The following RASGRF2 variants were observed in gnomAD, a reference collection of about 807,000 sequenced individuals.
RASGRF2 encodes ras-specific guanine nucleotide-releasing factor 2.
In RASGRF2, 76 loss-of-function variants were observed where a neutral mutation model predicts 151.0. That is an observed-to-expected ratio of 0.50 (90% CI 0.42 to 0.61). The LOEUF (loss-of-function observed/expected upper bound fraction) is 0.61. RASGRF2 is among the 20% of genes least tolerant of loss of function. The probability of loss-of-function intolerance (pLI) is 0.00; values close to 1 mark genes in which losing one functional copy is unlikely to be tolerated. For missense variants in RASGRF2, 1,148 were observed against 1,564.6 expected (o/e 0.73, Z 4.49); for synonymous variants, 504 against 566.5 (o/e 0.89, Z 1.57).
intron 1 of RASGRF2, among the ~76,000 whole-genome samples, chr5:80,968,996 A>T (rs768705895): frequency 6.6e-6 from 1 of 151,912 alleles, no homozygotes; most frequent in Non-Finnish European, 1.5e-5. Flanking sequence ...AATGAATTGC[A>T]TAACCATGAT....
intron 1 of RASGRF2, among the ~76,000 whole-genome samples, chr5:81,011,729 G>A (rs1040006120): frequency 3.5e-5 from 5 of 143,644 alleles, no homozygotes; most frequent in African/African-American, 7.8e-5. Context: ...CAACAAGAGC[G>A]AAACTCCATC....
At chr5:81,026,882 G>A (rs188078866) in intron 1 of RASGRF2, among the ~76,000 whole-genome samples, 20 of 152,254 alleles carry the variant, frequency 1.3e-4, no homozygotes, top group Non-Finnish European at 2.4e-4. Flanking sequence ...TAAAAGACAG[G>A]TCAAAGTCAA....
chr5:81,064,075 C>T lies in RASGRF2; in HGVS notation c.396-3957C>T, dbSNP rs1751522503. The stretch of plus-strand genomic sequence containing the variant: ...GGCATAGCTTAGCTGGGTGCCTCTG[C>T]CCAAAGGTATCTCACAAGGCTACAA... On this transcript the variant is annotated intron_variant, in intron 2 of 26. Transcript: ENST00000265080. 3.9e-5 allele frequency among the ~76,000 whole-genome samples: 6 copies of T among 152,268 alleles called. No homozygotes were observed. The South Asian group carries it at 1.0e-3, about 26-fold the overall frequency.
At chr5:80,968,014 T>G (rs1193142340) in intron 1 of RASGRF2, among the ~76,000 whole-genome samples, 2 of 152,240 alleles carry the variant, frequency 1.3e-5, no homozygotes, top group Non-Finnish European at 2.9e-5. Context: ...CTTGAGCAAT[T>G]TCTCTTTCTA....
intron 1 of RASGRF2, among the ~76,000 whole-genome samples, chr5:81,027,251 A>G (rs187887919): frequency 1.2e-4 from 19 of 152,342 alleles, no homozygotes; most frequent in Admixed American, 4.6e-4. Flanking sequence ...GTTAATAATT[A>G]TGCATCAATA....
intron 3 of RASGRF2, among the ~76,000 whole-genome samples, chr5:81,069,837 A>G (rs1751719698): frequency 6.6e-6 from 1 of 152,222 alleles, no homozygotes; most frequent in Non-Finnish European, 1.5e-5. Flanking sequence ...GTGCCGGTCT[A>G]GAGAATTTTA....
In RASGRF2 at chr5:80,996,518, TCCC is replaced by T. The variant is rs1402104039; in HGVS notation, c.288+35495_288+35497del. On this transcript the variant is annotated intron_variant, in intron 1 of 26. Coordinates refer to ENST00000265080, the MANE Select transcript of RASGRF2 (RefSeq NM_006909.3). ...TTCTTCTTCTTCCTCCTCCTCCTCC[TCCC>T]CCTCCTCCTCCTCCCCCTCCTCCTC... Among the ~76,000 whole-genome samples, 65 of 28,040 alleles carry T rather than the reference TCCC, an allele frequency of 2.3e-3. 4 individuals carry two copies. The highest frequency in any genetic ancestry group is 2.9e-3 in the African/African-American group (21 of 7,350). 18.4% of individuals were successfully genotyped at this position (28,040 alleles called of 152,430 possible).
chr5:81,084,010 T>C (rs1185838192), intron 7 of RASGRF2, among the ~76,000 whole-genome samples: 3 of 152,216 alleles, frequency 2.0e-5, no homozygotes, highest in Non-Finnish European at 4.4e-5. Flanking sequence ...GCTGACCACT[T>C]CTCTGCAGAA....
Position 81,197,896 on chromosome 5 carries a change from G to A in RASGRF2, c.2794-3434G>A, listed in dbSNP as rs571284792. Among the ~76,000 whole-genome samples the A allele has an allele frequency of 1.4e-4, 21 of 152,200 alleles. 1 individual carries two copies. The East Asian group carries it at 3.1e-3, about 22-fold the overall frequency. ...AACAATTCCTCTCTGCTGCCTGCAC[G>A]TGTTTTATAAGGATACATTTAATTA... On this transcript the variant is annotated intron_variant, in intron 18 of 26. Coordinates refer to ENST00000265080, the MANE Select transcript of RASGRF2 (RefSeq NM_006909.3).
chr5:81,021,939 T>C (rs1749842136), intron 1 of RASGRF2, among the ~76,000 whole-genome samples: 1 of 151,702 alleles, frequency 6.6e-6, no homozygotes, highest in African/African-American at 2.4e-5. Context: ...GACAGGGAGG[T>C]GAAAAAATTG....
intron 25 of RASGRF2, 101 bp downstream of exon 25, chr5:81,217,574 CTTTTTTTTTTT>C (rs71603577): frequency 0.037 from 6,730 of 181,580 alleles, 107 homozygotes; most frequent in Non-Finnish European, 0.047. Flanking sequence ...TTTTTCTCTT[CTTTTTTTTTTT>C]TTTTTTTTTT....
At chr5:81,080,486 C>G (rs1273358761) in intron 6 of RASGRF2, 110 bp from the exon 7 acceptor site, 8 of 1,203,386 alleles carry the variant, frequency 6.6e-6, no homozygotes, top group Non-Finnish European at 9.5e-6. Flanking sequence ...GGTTGCGGCT[C>G]CATGCATGTG....
chr5:81,111,640 G>A (rs1359889221), intron 13 of RASGRF2, among the ~76,000 whole-genome samples: 1 of 151,916 alleles, frequency 6.6e-6, no homozygotes, highest in Non-Finnish European at 1.5e-5. Context: ...AATGAATTAG[G>A]CACTCAAATC....
chr5:81,096,692 G>A (rs903453979), intron 12 of RASGRF2, among the ~76,000 whole-genome samples: 8 of 152,094 alleles, frequency 5.3e-5, no homozygotes, highest in African/African-American at 1.9e-4. Context: ...AAGAGAGAAA[G>A]ACCCTTGGAG....
At chr5:81,075,916 A>T (rs939392404) in intron 5 of RASGRF2, among the ~76,000 whole-genome samples, 1 of 152,250 alleles carries the variant, frequency 6.6e-6, no homozygotes, top group African/African-American at 2.4e-5. Flanking sequence ...AAAGAGGAGC[A>T]TGGATATTCC....
intron 1 of RASGRF2, among the ~76,000 whole-genome samples, chr5:81,009,223 T>C (rs1371102352): frequency 6.6e-6 from 1 of 152,248 alleles, no homozygotes; most frequent in East Asian, 1.9e-4. Context: ...GAACAATGCC[T>C]GCCATATATT....
rs1351182974 is a variant in RASGRF2, at chr5:81,217,382, T to G, written c.3461T>G (p.Leu1154Arg). 6.2e-7 allele frequency: 1 copy of G among 1,612,874 alleles called. No individual in the cohort carries two copies. The highest frequency in any genetic ancestry group is 1.7e-5 in the Admixed American group (1 of 59,726). Residue 1154 changes from leucine to arginine, a missense_variant, in exon 25 of 27, where the codon CTT becomes CGT. Around this residue, in one of 5 missense-constraint regions of RASGRF2, gnomAD observed 100 missense variants for 148.2 expected, o/e 0.67. Transcript: ENST00000265080. Reference protein sequence around the residue: ...KNCNPPAVPYLGMYLTDLAFI... With the variant: ...KNCNPPAVPYRGMYLTDLAFI... ...TGTAACCCTCCTGCAGTTCCTTATC[T>G]TGGGATGTACTTGACAGACCTGGCA...
chr5:81,066,765 G>A (rs1156251816), intron 2 of RASGRF2, among the ~76,000 whole-genome samples: 1 of 152,198 alleles, frequency 6.6e-6, no homozygotes, highest in Non-Finnish European at 1.5e-5. Flanking sequence ...CAAATAAAGC[G>A]AGGTAGAATC....
At chr5:80,989,965 G>A (rs1748595249) in intron 1 of RASGRF2, among the ~76,000 whole-genome samples, 1 of 152,090 alleles carries the variant, frequency 6.6e-6, no homozygotes, top group South Asian at 2.1e-4. Context: ...TTGCTTATTG[G>A]ACTCGAGAAT....
Sources: gnomAD v4.1 joint callset for allele counts (sites outside exome capture counted in the v4.1 genomes callset) on GRCh38, gnomAD v4.1.1 for gene constraint, gnomAD v4.1.1 regional missense constraint, MANE v1.5 for transcripts, NCBI Gene and HGNC (gene_info 2026-07-23, HGNC 2026-07-21) for gene names.